The following THYN1 variants were observed in gnomAD, a reference collection of about 807,000 sequenced individuals.
THYN1 encodes the protein thymocyte protein thy28.
Under a neutral mutation model 30.6 loss-of-function variants are expected in THYN1, and 32 were observed. That is an observed-to-expected ratio of 1.05 (90% CI 0.79 to 1.40). The LOEUF is 1.40. Ranked by LOEUF, THYN1 falls within the 40% of genes most tolerant of loss-of-function variation. The pLI is 0.00. For missense variants in THYN1, 259 were observed against 272.6 expected, an observed-to-expected ratio of 0.95 and a Z score of 0.35; for synonymous variants, 107 against 90.8, an observed-to-expected ratio of 1.18 and a Z score of -1.01.
chr11:134,251,488 AC>A (rs1450277826), intron 1 of THYN1, 180 bp from the exon 2 acceptor site: 10 of 663,410 alleles, frequency 1.5e-5, no homozygotes, highest in Non-Finnish European at 2.5e-5. Context: ...AAGAATACCT[AC>A]CTTACAGGGT....
Position 134,248,800 on chromosome 11 carries a change from C to G in THYN1, c.631+9G>C. Reference sequence around the variant, plus strand: ...TATATGGACAATAAAGGAGAGGGCCCACTCTTACCCTGGGTCAGGGGCTGG... The same window carrying G: ...TATATGGACAATAAAGGAGAGGGCCGACTCTTACCCTGGGTCAGGGGCTGG... On this transcript the variant is annotated intron_variant, in intron 6 of 6. Transcript: ENST00000341541. The G allele has an allele frequency of 6.2e-7, 1 of 1,613,904 alleles. No homozygotes were observed. The highest frequency in any genetic ancestry group is 8.5e-7 in the Non-Finnish European group (1 of 1,179,874).
At chr11:134,249,791 A>C in intron 4 of THYN1, 37 bp downstream of exon 4, 2 of 1,598,476 alleles carry the variant, frequency 1.3e-6, no homozygotes, top group South Asian at 2.2e-5. Flanking sequence ...GTCTCCCTGG[A>C]GGAAAAGGGA....
intron 1 of THYN1, among the ~76,000 whole-genome samples, chr11:134,252,208 T>G (rs1235024623): frequency 1.3e-5 from 2 of 152,168 alleles, no homozygotes; most frequent in Non-Finnish European, 2.9e-5. Context: ...CCAGCATACC[T>G]TCCTAACCTA....
At chr11:134,251,454 T>G (rs1443666845) in intron 1 of THYN1, 146 bp from the exon 2 acceptor site, 1 of 878,896 alleles carries the variant, frequency 1.1e-6, no homozygotes. Context: ...GTTAAGAAGC[T>G]TTCCTTATCT....
intron 2 of THYN1, 103 bp from the exon 3 acceptor site, chr11:134,250,446 G>A: frequency 2.4e-6 from 3 of 1,239,248 alleles, no homozygotes; most frequent in Middle Eastern, 3.8e-4. Context: ...AGGGGCCACT[G>A]GCTATAGAGG....
intron 6 of THYN1, among the ~76,000 whole-genome samples, 153 bp downstream of exon 6, chr11:134,248,656 A>C (rs184515474): frequency 6.6e-6 from 1 of 152,322 alleles, no homozygotes; most frequent in East Asian, 1.9e-4. Context: ...AGTAACAGGT[A>C]ACTCTGGCCA....
At chr11:134,250,510 TGTAA>T (rs1184059552) in intron 2 of THYN1, among the ~76,000 whole-genome samples, 167 bp from the exon 3 acceptor site, 4 of 152,130 alleles carry the variant, frequency 2.6e-5, no homozygotes, top group Non-Finnish European at 5.9e-5. Context: ...GCTGGGTGAA[TGTAA>T]GTAAGCCTTG....
rs1403409228 is a variant in THYN1 at position 134,252,991 on chromosome 11, G to A, written c.-109C>T. On this transcript the variant is annotated 5_prime_UTR_variant, in exon 1 of 7. Transcript: ENST00000341541. Reference sequence around the variant, plus strand: ...GCGCAGAGCGAGATGGAGGCAACGAGAGGCAGCCTAGAACGTCTCCAACTT... The same window carrying A: ...GCGCAGAGCGAGATGGAGGCAACGAAAGGCAGCCTAGAACGTCTCCAACTT... The A allele has an allele frequency of 3.4e-6, 5 of 1,482,216 alleles. No individual in the cohort carries two copies. In the Admixed American group the frequency reaches 1.0e-4, roughly 30 times the overall value. 91.8% of individuals were successfully genotyped at this position (1,482,216 alleles called of 1,614,324 possible).
At chr11:134,251,634 CTG>C (rs1219375837) in intron 1 of THYN1, 1 of 231,110 alleles carries the variant, frequency 4.3e-6, no homozygotes, top group Non-Finnish European at 8.3e-6. Context: ...AAAGAGGAAA[CTG>C]AGCACCTACT....
At chr11:134,249,760 C>A in intron 4 of THYN1, 68 bp downstream of exon 4, 1 of 1,478,540 alleles carries the variant, frequency 6.8e-7, no homozygotes, top group South Asian at 1.2e-5. Flanking sequence ...AAGGTATATC[C>A]CTTTATATCT....
chr11:134,251,132 T>G lies in THYN1; in HGVS notation c.220A>C (p.Lys74Gln). 1 of 1,608,522 alleles carries G rather than the reference T, an allele frequency of 6.2e-7. No homozygotes were observed. The highest frequency in any genetic ancestry group is 8.5e-7 in the Non-Finnish European group (1 of 1,177,986). ...ESRLEKGVDV[K>Q]FSIEDLKAQP... ...TGGAGACAGGTCAAGGGTCTCACCT[T>G]CACATCTACACCTTTCTCTAGGCGG... The change falls in exon 2 of 7, where the codon AAG becomes CAG. Residue 74 changes from lysine to glutamine, a missense_variant and splice_region_variant. Transcript: ENST00000341541.
intron 1 of THYN1, 180 bp from the exon 2 acceptor site, chr11:134,251,488 A>AC: frequency 1.5e-6 from 1 of 663,528 alleles, no homozygotes; most frequent in South Asian, 2.0e-5. Flanking sequence ...AAGAATACCT[A>AC]CCTTACAGGG....
intron 1 of THYN1, 100 bp from the exon 2 acceptor site, chr11:134,251,408 T>A: frequency 6.1e-6 from 8 of 1,318,128 alleles, no homozygotes; most frequent in South Asian, 1.4e-5. Flanking sequence ...ATTCAAATCA[T>A]GGATCCATTA....
Position 134,251,245 on chromosome 11 carries a change from T to A in THYN1, c.107A>T (p.Glu36Val). The change falls in exon 2 of 7, where the codon GAG becomes GTG. Residue 36 changes from glutamate to valine, a missense_variant. By Grantham distance (121) the Glu-to-Val change is moderately radical. Transcript: ENST00000341541. ...TGAAGTCTTCTGAGGGTTGGAGTCC[T>A]CCACTTTAGCTAATGCCTCACCTGA... Reference protein sequence around the residue: ...ENSGEALAKVEDSNPQKTSAT... With the variant: ...ENSGEALAKVVDSNPQKTSAT... 1 of 1,614,234 alleles carries A rather than the reference T, an allele frequency of 6.2e-7. No individual in the cohort carries two copies.
Position 134,253,177 on chromosome 11 carries a change from G to T in THYN1, c.-295C>A, listed in dbSNP as rs1295996732. 73 of 1,332,334 alleles carry T rather than the reference G, an allele frequency of 5.5e-5. No homozygotes were observed. The highest frequency in any genetic ancestry group is 6.4e-5 in the Non-Finnish European group (67 of 1,044,798). 82.5% of individuals were successfully genotyped at this position (1,332,334 alleles called of 1,614,324 possible). On this transcript the variant is annotated 5_prime_UTR_variant, in exon 1 of 7. Transcript: ENST00000341541. Reference sequence around the variant, plus strand: ...TCAGTATGTAGTTCACTGGGAAGTGGCTCCACAGAGACACTTTTGTTGGGT... The same window carrying T: ...TCAGTATGTAGTTCACTGGGAAGTGTCTCCACAGAGACACTTTTGTTGGGT...
intron 4 of THYN1, among the ~76,000 whole-genome samples, chr11:134,249,578 G>C (rs1393268334): frequency 6.6e-6 from 1 of 152,170 alleles, no homozygotes; most frequent in Non-Finnish European, 1.5e-5. Flanking sequence ...GCTATCATCA[G>C]GCCTGTTTTC....
chr11:134,249,239 G>A lies in THYN1; in HGVS notation c.408C>T (p.Asp136=), dbSNP rs755765263. 5 of 1,614,144 alleles carry A rather than the reference G, an allele frequency of 3.1e-6. No individual in the cohort carries two copies. The African/African-American group carries it at 4.0e-5, about 13-fold the overall frequency. The part of the protein sequence containing the change: ...LMKIVKEAYP[D]HTQFEKNNPH... ...GATTGTTTTTCTCAAACTGTGTGTG[G>A]TCTGGGTAAGCCTCTTTCACGATCT... The change falls in exon 5 of 7, where the codon GAC becomes GAT. Residue 136 remains aspartate, a synonymous_variant. Coordinates refer to ENST00000341541, the MANE Select transcript of THYN1 (RefSeq NM_014174.3).
chr11:134,248,624 G>T, intron 6 of THYN1, 140 bp from the exon 7 acceptor site: 1 of 1,331,946 alleles, frequency 7.5e-7, no homozygotes, highest in Non-Finnish European at 1.1e-6. Flanking sequence ...CAGGTGCCAA[G>T]CACTATAGAG....
At chr11:134,249,690 T>C in intron 4 of THYN1, 138 bp downstream of exon 4, 1 of 824,850 alleles carries the variant, frequency 1.2e-6, no homozygotes, top group Non-Finnish European at 1.9e-6. Flanking sequence ...GGGCAGTTTT[T>C]CCCTATTCCT....
Sources: gnomAD v4.1 joint callset for allele counts (sites outside exome capture counted in the v4.1 genomes callset) on GRCh38, gnomAD v4.1.1 for gene constraint, MANE v1.5 for transcripts, NCBI Gene and HGNC (gene_info 2026-07-23, HGNC 2026-07-21) for gene names.